RCAN1: variants seen among roughly 807,000 people sequenced by gnomAD.
RCAN1 encodes the protein calcipressin-1.
In RCAN1, 11 loss-of-function variants were observed where a neutral mutation model predicts 22.9. That is an observed-to-expected ratio of 0.48 (90% confidence interval 0.30 to 0.79). RCAN1 has a LOEUF of 0.79. RCAN1 is among the 30% of genes least tolerant of loss of function. The pLI is 0.06. For missense variants in RCAN1, 291 were observed against 337.8 expected (o/e 0.86, Z 1.09); for synonymous variants, 136 against 142.3 (o/e 0.96, Z 0.32).
At chr21:34,574,693 A>C (rs1987351311) in intron 1 of RCAN1, among the ~76,000 whole-genome samples, 1 of 152,270 alleles carries the variant, frequency 6.6e-6, no homozygotes, top group Admixed American at 6.5e-5. Flanking sequence ...GTCAGATCCA[A>C]ATATGAAGTA....
chr21:34,530,616 G>GTTGTTTTTTTTTTT (rs1985325221), intron 1 of RCAN1, among the ~76,000 whole-genome samples: 1 of 66,196 alleles, frequency 1.5e-5, no homozygotes, highest in African/African-American at 5.4e-5. Flanking sequence ...TAGTGAAATA[G>GTTGTTTTTTTTTTT]TTTTTTTTTT....
intron 1 of RCAN1, among the ~76,000 whole-genome samples, chr21:34,575,718 G>T (rs1038240230): frequency 6.6e-6 from 1 of 152,084 alleles, no homozygotes; most frequent in African/African-American, 2.4e-5. Flanking sequence ...TTTAACATAG[G>T]AAGATTGGTG....
rs1318292899 is a variant in RCAN1, at chr21:34,523,613, A to G, written c.350T>C (p.Phe117Ser). Reference protein sequence around the residue: ...KRVRINFSNPFSAADARLQLH... With the variant: ...KRVRINFSNPSSAADARLQLH... Reference sequence around the variant, plus strand: ...CTGGAGCCTGGCATCTGCTGCGGAGAAGGGGTTGCTGAAGTTTATTCTGAC... The same window carrying G: ...CTGGAGCCTGGCATCTGCTGCGGAGGAGGGGTTGCTGAAGTTTATTCTGAC... Residue 117 changes from phenylalanine to serine, a missense_variant, in exon 2 of 4, where the codon TTC becomes TCC. By Grantham distance (155) the Phe-to-Ser change is radical (BLOSUM62 -2). Transcript: ENST00000313806. 3.1e-6 allele frequency: 5 copies of G among 1,614,124 alleles called. No individual in the cohort carries two copies. Among genetic ancestry groups the G allele is most frequent in the Non-Finnish European group, 4.2e-6 (5 of 1,180,002 alleles).
At chr21:34,587,011 A>G (rs908878691) in intron 1 of RCAN1, among the ~76,000 whole-genome samples, 1 of 152,144 alleles carries the variant, frequency 6.6e-6, no homozygotes, top group Non-Finnish European at 1.5e-5. Context: ...ACAGAAAACA[A>G]AAAAACAGAA....
rs759161913 is a variant in RCAN1 at position 34,521,604 on chromosome 21, G to C, written c.481C>G (p.Leu161Val). 2.5e-6 allele frequency: 4 copies of C among 1,614,016 alleles called. No homozygotes were observed. Among genetic ancestry groups the C allele is most frequent in the Non-Finnish European group, 2.5e-6 (3 of 1,180,006 alleles). ...LAPPNPDKQFLISPPASPPVG... is the reference protein window; with the variant it reads ...LAPPNPDKQFVISPPASPPVG... Reference sequence around the variant, plus strand: ...GGCGGAGAGGCGGGAGGGGAGATCAGAAACTGCTTGTCTGGATTTGGCGGA... The same window carrying C: ...GGCGGAGAGGCGGGAGGGGAGATCACAAACTGCTTGTCTGGATTTGGCGGA... The change falls in exon 3 of 4, where the codon CTG (leucine) becomes GTG (valine). Residue 161 changes from leucine to valine, a missense_variant. Transcript: ENST00000313806.
intron 1 of RCAN1, among the ~76,000 whole-genome samples, chr21:34,591,896 C>T (rs1185943631): frequency 1.3e-5 from 2 of 152,194 alleles, no homozygotes; most frequent in East Asian, 1.9e-4. Flanking sequence ...GCCATCAAGA[C>T]GTGTTCCCCA....
At chr21:34,530,799 A>G (rs1340763746) in intron 1 of RCAN1, among the ~76,000 whole-genome samples, 3 of 151,674 alleles carry the variant, frequency 2.0e-5, no homozygotes, top group Admixed American at 2.0e-4. Flanking sequence ...TAATTTTTGT[A>G]TTTTTAGTAG....
intron 2 of RCAN1, 57 bp from the exon 3 acceptor site, chr21:34,521,715 C>CTG: frequency 6.9e-7 from 1 of 1,459,042 alleles, no homozygotes; most frequent in Non-Finnish European, 9.4e-7. Context: ...TGCAGTGAGG[C>CTG]AACAGCACCT....
chr21:34,571,624 A>G lies in RCAN1; in HGVS notation c.252+43136T>C, dbSNP rs935308307. On this transcript the variant is annotated intron_variant, in intron 1 of 3. Transcript: ENST00000313806. ...CCAGCTGGGGTGCAGTGGTACAAAC[A>G]TGGCTCACTGTAGTGTTACTTCCCA... 5.4e-4 allele frequency among the ~76,000 whole-genome samples: 82 copies of G among 152,338 alleles called. 1 individual carries two copies. Among genetic ancestry groups the G allele is most frequent in the African/African-American group, 1.9e-3 (77 of 41,574 alleles).
chr21:34,606,427 C>A (rs762009759), intron 1 of RCAN1, among the ~76,000 whole-genome samples: 4 of 152,152 alleles, frequency 2.6e-5, no homozygotes, highest in Non-Finnish European at 5.9e-5. Context: ...GACACTGACC[C>A]CGGCTAGGTG....
rs1165966479 is a variant in RCAN1, at chr21:34,614,166, G to GC, written c.252+593dup. On this transcript the variant is annotated intron_variant, in intron 1 of 3. Coordinates refer to ENST00000313806, the MANE Select transcript of RCAN1 (RefSeq NM_004414.7). The surrounding 1 kb of genome is among the most constrained non-coding windows in gnomAD (Gnocchi z 6.0). ...GCAAGCCACACCTTCACACAAGGGG[G>GC]CAAGGTTCTTGACTAAATATCCTAA... The GC allele has an allele frequency of 1.2e-4, 104 of 894,106 alleles. No homozygotes were observed. Among genetic ancestry groups the GC allele is most frequent in the Non-Finnish European group, 1.4e-4 (102 of 727,334 alleles). The allele number at this position is 894,106 out of a possible 1,614,324, so 55.4% of individuals were successfully genotyped here.
At chr21:34,598,351 A>G (rs114639024) in intron 1 of RCAN1, among the ~76,000 whole-genome samples, 2,241 of 152,364 alleles carry the variant, frequency 0.015, 61 homozygotes, top group African/African-American at 0.052. Flanking sequence ...AAACAGTAGT[A>G]TGAAACTGGC....
intron 1 of RCAN1, among the ~76,000 whole-genome samples, chr21:34,578,947 TG>T (rs892684899): frequency 2.6e-5 from 4 of 152,088 alleles, no homozygotes; most frequent in Non-Finnish European, 5.9e-5. Flanking sequence ...TTTGGGCCCC[TG>T]GTTCCTCACC....
At chr21:34,594,845 A>G (rs1451642442) in intron 1 of RCAN1, among the ~76,000 whole-genome samples, 1 of 152,190 alleles carries the variant, frequency 6.6e-6, no homozygotes, top group African/African-American at 2.4e-5. Flanking sequence ...TAACAAGCGC[A>G]TACCTCACAG....
chr21:34,533,011 A>T (rs898403213), intron 1 of RCAN1, among the ~76,000 whole-genome samples: 11 of 149,796 alleles, frequency 7.3e-5, no homozygotes, highest in African/African-American at 2.7e-4. Context: ...CCCAGGCTGG[A>T]GTGCAGTGGC....
chr21:34,549,972 T>C (rs1986305007), intron 1 of RCAN1, among the ~76,000 whole-genome samples: 1 of 151,660 alleles, frequency 6.6e-6, no homozygotes, highest in Admixed American at 6.6e-5. Flanking sequence ...TGCCTGCTGG[T>C]GGTGGCAGTG....
intron 1 of RCAN1, among the ~76,000 whole-genome samples, chr21:34,558,901 A>C (rs138120108): frequency 6.6e-6 from 1 of 152,334 alleles, no homozygotes; most frequent in East Asian, 1.9e-4. Context: ...GAAAGAACAC[A>C]ATCATGGATA....
At chr21:34,558,078 C>G (rs1027638655) in intron 1 of RCAN1, among the ~76,000 whole-genome samples, 1 of 152,216 alleles carries the variant, frequency 6.6e-6, no homozygotes, top group African/African-American at 2.4e-5. Flanking sequence ...TTGACAAGTT[C>G]AAGCTGTTGA....
Position 34,614,714 on chromosome 21 carries a change from A to C in RCAN1, c.252+46T>G. The C allele has an allele frequency of 2.2e-6, 3 of 1,374,478 alleles. No individual in the cohort carries two copies. The highest frequency in any genetic ancestry group is 2.9e-5 in the Admixed American group (1 of 34,922). 85.1% of individuals were successfully genotyped at this position (1,374,478 alleles called of 1,614,324 possible). A position where few individuals can be genotyped will look rare whatever the true frequency, so the allele number is the denominator to read the frequency against. ...GACCCGCGCCGCCTCCTCGGGCAACAAGTGTCCGCCCTCCGCCCCGACGGC... is the reference window on the plus strand; with the variant it reads ...GACCCGCGCCGCCTCCTCGGGCAACCAGTGTCCGCCCTCCGCCCCGACGGC... On this transcript the variant is annotated intron_variant, in intron 1 of 3. Transcript: ENST00000313806. This position sits in a 1 kb window ranked among gnomAD's most constrained non-coding sequence, Gnocchi z 6.0.
Sources: gnomAD v4.1 joint callset for allele counts (sites outside exome capture counted in the v4.1 genomes callset) on GRCh38, gnomAD v4.1.1 for gene constraint, Gnocchi (gnomAD v3.1) non-coding constraint, MANE v1.5 for transcripts, NCBI Gene and HGNC (gene_info 2026-07-23, HGNC 2026-07-21) for gene names.